RNF214: variants seen among roughly 807,000 people sequenced by gnomAD.
The protein encoded by RNF214 is ring finger protein 214.
In RNF214, 25 loss-of-function variants were observed where a neutral mutation model predicts 75.9. That is an observed-to-expected ratio of 0.33 (90% confidence interval 0.24 to 0.46). The LOEUF is 0.46. Ranked by LOEUF, RNF214 falls within the 20% of genes least tolerant of loss-of-function variation. The pLI is 1.00. For missense variants in RNF214, 725 were observed against 857.5 expected (o/e 0.85, Z 1.93); for synonymous variants, 314 against 308.8 (o/e 1.02, Z -0.18).
intron 6 of RNF214, among the ~76,000 whole-genome samples, chr11:117,268,918 C>T (rs548981365): frequency 1.3e-5 from 2 of 152,170 alleles, no homozygotes; most frequent in African/African-American, 2.4e-5. Context: ...TAAAAGTTCA[C>T]TAAAAATTAA....
At chr11:117,276,751 A>G (rs2034023276) in intron 6 of RNF214, among the ~76,000 whole-genome samples, 1 of 152,228 alleles carries the variant, frequency 6.6e-6, no homozygotes, top group African/African-American at 2.4e-5. Context: ...CATTGACATA[A>G]GAGGATTTTT....
At chr11:117,241,485 CAGG>C (rs1251559018) in intron 4 of RNF214, among the ~76,000 whole-genome samples, 3 of 150,496 alleles carry the variant, frequency 2.0e-5, no homozygotes, top group Non-Finnish European at 4.4e-5. Context: ...GAGGGTGAGG[CAGG>C]AGAATTGCTT....
intron 6 of RNF214, among the ~76,000 whole-genome samples, chr11:117,267,316 A>G (rs550352214): frequency 3.3e-5 from 5 of 152,240 alleles, no homozygotes; most frequent in Admixed American, 6.5e-5. Context: ...TGCCCAACCC[A>G]AGATCACCTT....
rs751666434 is a variant in RNF214, at chr11:117,285,187, A to G, written c.*36A>G. On this transcript the variant is annotated 3_prime_UTR_variant, in exon 15 of 15. Coordinates refer to ENST00000300650, the MANE Select transcript of RNF214 (RefSeq NM_207343.4). ...TGGGGAGGAAGAAGAAGAGAAACTG[A>G]TGTGAACAGGAAGCGCGGGTTCAAG... 7.0e-7 allele frequency: 1 copy of G among 1,438,188 alleles called. No homozygotes were observed. Among genetic ancestry groups the G allele is most frequent in the Non-Finnish European group, 9.8e-7 (1 of 1,019,718 alleles). The allele number at this position is 1,438,188 out of a possible 1,614,324, so 89.1% of individuals were successfully genotyped here.
At chr11:117,271,349 A>G (rs1348381155) in intron 6 of RNF214, among the ~76,000 whole-genome samples, 2 of 152,186 alleles carry the variant, frequency 1.3e-5, no homozygotes, top group Non-Finnish European at 2.9e-5. Flanking sequence ...TTATTTAGCA[A>G]CAATGCCAGC....
At chr11:117,267,039 G>A (rs2033811673) in intron 6 of RNF214, among the ~76,000 whole-genome samples, 1 of 150,032 alleles carries the variant, frequency 6.7e-6, no homozygotes, top group African/African-American at 2.4e-5. Context: ...CCCAGCACTC[G>A]CTGTGGTGCC....
intron 5 of RNF214, among the ~76,000 whole-genome samples, chr11:117,246,594 T>C (rs2033232061): frequency 6.6e-6 from 1 of 152,228 alleles, no homozygotes; most frequent in Non-Finnish European, 1.5e-5. Flanking sequence ...AGAAATTATT[T>C]TTCCTGTTGA....
chr11:117,247,435 C>T (rs1293250339), intron 6 of RNF214, among the ~76,000 whole-genome samples: 1 of 152,168 alleles, frequency 6.6e-6, no homozygotes, highest in Non-Finnish European at 1.5e-5. Context: ...TTCCAGGCTG[C>T]AGTCAGCTGT....
At chr11:117,275,030 T>C (rs2033988192) in intron 6 of RNF214, among the ~76,000 whole-genome samples, 1 of 152,122 alleles carries the variant, frequency 6.6e-6, no homozygotes, top group African/African-American at 2.4e-5. Flanking sequence ...AAACAAGTCT[T>C]AATATTTTTT....
chr11:117,233,272 A>C (rs1035417668), intron 1 of RNF214, among the ~76,000 whole-genome samples: 1 of 152,010 alleles, frequency 6.6e-6, no homozygotes, highest in Non-Finnish European at 1.5e-5. Context: ...GGATGTTTGC[A>C]CCTGAGGGAG....
At chr11:117,249,571 CATT>C (rs953543371) in intron 6 of RNF214, among the ~76,000 whole-genome samples, 39 of 152,226 alleles carry the variant, frequency 2.6e-4, no homozygotes, top group African/African-American at 9.4e-4. Context: ...AGATTTTGGT[CATT>C]ATATTATTCA....
chr11:117,269,106 A>G (rs1363295300), intron 6 of RNF214, among the ~76,000 whole-genome samples: 1 of 152,150 alleles, frequency 6.6e-6, no homozygotes, highest in Non-Finnish European at 1.5e-5. Flanking sequence ...TTTTCAGGGG[A>G]AAAGAATGAG....
intron 12 of RNF214, 78 bp downstream of exon 12, chr11:117,282,614 G>T: frequency 6.4e-7 from 1 of 1,573,342 alleles, no homozygotes; most frequent in Non-Finnish European, 8.7e-7. Flanking sequence ...AATGTGGGGT[G>T]GGAAGAAGCA....
intron 4 of RNF214, among the ~76,000 whole-genome samples, chr11:117,241,827 C>T (rs2033087694): frequency 6.6e-6 from 1 of 152,102 alleles, no homozygotes; most frequent in South Asian, 2.1e-4. Flanking sequence ...TTCACTTAGA[C>T]ATGTTCTATT....
chr11:117,283,435 AC>A (rs1242766951), intron 14 of RNF214, among the ~76,000 whole-genome samples: 1 of 151,812 alleles, frequency 6.6e-6, no homozygotes, highest in African/African-American at 2.4e-5. Flanking sequence ...ATCTCAGCTC[AC>A]CGCAACCTCC....
chr11:117,248,645 T>G (rs1224962568), intron 6 of RNF214, among the ~76,000 whole-genome samples: 1 of 152,220 alleles, frequency 6.6e-6, no homozygotes, highest in Non-Finnish European at 1.5e-5. Flanking sequence ...CTAGTGATAC[T>G]GAATGATTAG....
intron 2 of RNF214, among the ~76,000 whole-genome samples, chr11:117,236,605 C>T (rs892794295): frequency 5.3e-5 from 8 of 152,178 alleles, no homozygotes; most frequent in African/African-American, 1.9e-4. Context: ...ACCTGGGTCC[C>T]CTAATACAGT....
chr11:117,235,222 G>A (rs2134350054), intron 2 of RNF214, among the ~76,000 whole-genome samples: 1 of 152,166 alleles, frequency 6.6e-6, no homozygotes, highest in South Asian at 2.1e-4. Context: ...TTGAGATGGA[G>A]TCTCACTCTG....
At chr11:117,273,018 A>T (rs1214014794) in intron 6 of RNF214, among the ~76,000 whole-genome samples, 1 of 152,230 alleles carries the variant, frequency 6.6e-6, no homozygotes. Flanking sequence ...TGTGTTAAAT[A>T]GCATATTTTC....
Sources: gnomAD v4.1 joint callset for allele counts (sites outside exome capture counted in the v4.1 genomes callset) on GRCh38, gnomAD v4.1.1 for gene constraint, MANE v1.5 for transcripts, NCBI Gene and HGNC (gene_info 2026-07-23, HGNC 2026-07-21) for gene names.